NALF1: variants seen among roughly 807,000 people sequenced by gnomAD.
NALF1 encodes the protein family with sequence similarity 155 member A.
Under a neutral mutation model 48.4 loss-of-function variants are expected in NALF1, and 3 were observed. The ratio of observed to expected loss-of-function variants is 0.06; its 90% CI spans 0.03 to 0.16. NALF1 has a LOEUF of 0.16. Ranked by LOEUF, NALF1 falls within the 10% of genes least tolerant of loss-of-function variation. The pLI is 1.00. For missense variants in NALF1, 526 were observed against 571.5 expected (o/e 0.92, Z 0.81); for synonymous variants, 262 against 245.7 (o/e 1.07, Z -0.62).
At chr13:107,862,485 G>A (rs553308344) in intron 1 of NALF1, among the ~76,000 whole-genome samples, 2 of 151,950 alleles carry the variant, frequency 1.3e-5, no homozygotes, top group Non-Finnish European at 2.9e-5. Flanking sequence ...TTCTGCTGTA[G>A]TATTTACTAC....
At chr13:107,419,990 G>C (rs1884158448) in intron 1 of NALF1, among the ~76,000 whole-genome samples, 1 of 152,132 alleles carries the variant, frequency 6.6e-6, no homozygotes, top group East Asian at 1.9e-4. Flanking sequence ...AAATGGAACT[G>C]AAAAGTAACA....
At chr13:107,631,455 C>T (rs566144735) in intron 1 of NALF1, among the ~76,000 whole-genome samples, 9 of 152,082 alleles carry the variant, frequency 5.9e-5, no homozygotes, top group African/African-American at 1.7e-4. Flanking sequence ...TAAATGATCA[C>T]CTTAGTTTTG....
At chr13:107,185,128 C>T (rs924007470) in intron 2 of NALF1, among the ~76,000 whole-genome samples, 7 of 152,190 alleles carry the variant, frequency 4.6e-5, no homozygotes, top group African/African-American at 1.7e-4. Flanking sequence ...CCAAAGATTG[C>T]TGACCACCTC....
At position 107,164,633 on chromosome 13, in the gene NALF1, C is replaced by CAGTA. The variant is rs890778523; in HGVS notation, c.*5860_*5863dup. On this transcript the variant is annotated 3_prime_UTR_variant, in exon 3 of 3. Transcript: ENST00000375915. ...GTAGATGCCTTTAACTTTTGCTTGT[C>CAGTA]AGTAGTAGCCTTTTGGGAGTGGAAA... is the stretch of plus-strand genomic sequence containing the variant. 1 of 151,222 alleles carries CAGTA rather than the reference C, an allele frequency of 6.6e-6. No individual in the cohort carries two copies. The highest frequency in any genetic ancestry group is 2.4e-5 in the African/African-American group (1 of 41,074). 9.4% of individuals were successfully genotyped at this position (151,222 alleles called of 1,614,324 possible).
At chr13:107,307,346 T>C (rs924213124) in intron 1 of NALF1, among the ~76,000 whole-genome samples, 2 of 152,208 alleles carry the variant, frequency 1.3e-5, no homozygotes, top group African/African-American at 4.8e-5. Context: ...AGGAAAGTTA[T>C]AGTTTAATTG....
At chr13:107,799,496 C>T (rs1297576069) in intron 1 of NALF1, among the ~76,000 whole-genome samples, 10 of 152,166 alleles carry the variant, frequency 6.6e-5, no homozygotes, top group Non-Finnish European at 1.5e-5. Context: ...ATGATGAAGT[C>T]AGCTTTTCTA....
intron 1 of NALF1, among the ~76,000 whole-genome samples, chr13:107,832,367 T>C (rs1002731794): frequency 3.3e-5 from 5 of 152,126 alleles, no homozygotes; most frequent in South Asian, 2.1e-4. Context: ...ATATTTTGTA[T>C]ATATACTGAA....
At chr13:107,702,850 T>A (rs533092975) in intron 1 of NALF1, among the ~76,000 whole-genome samples, 2 of 152,154 alleles carry the variant, frequency 1.3e-5, no homozygotes, top group African/African-American at 4.8e-5. Context: ...TCCAGCTCCA[T>A]CCATGTCCCT....
chr13:107,282,987 C>G (rs1342651353), intron 1 of NALF1, among the ~76,000 whole-genome samples: 3 of 152,302 alleles, frequency 2.0e-5, no homozygotes, highest in Non-Finnish European at 4.4e-5. Context: ...AGATTACACA[C>G]TGTAGAAAAA....
chr13:107,318,501 T>A (rs1249716334), intron 1 of NALF1, among the ~76,000 whole-genome samples: 1 of 152,072 alleles, frequency 6.6e-6, no homozygotes, highest in African/African-American at 2.4e-5. Flanking sequence ...TTACAAAGTA[T>A]GAGTTTCAAA....
rs1448001319 is a variant in NALF1 at position 107,362,498 on chromosome 13, A to G, written c.916-151743T>C. ...CAGCTGCATGACTCCAATTTATACC[A>G]CTGTTGTCACTTGGCATTCTCCTGT... On this transcript the variant is annotated intron_variant, in intron 1 of 2. Coordinates refer to ENST00000375915, the MANE Select transcript of NALF1 (RefSeq NM_001080396.3). This position sits in a 1 kb window ranked among gnomAD's most constrained non-coding sequence, Gnocchi z 4.6. 1.3e-5 allele frequency among the ~76,000 whole-genome samples: 2 copies of G among 151,974 alleles called. No homozygotes were observed. The highest frequency in any genetic ancestry group is 2.4e-5 in the African/African-American group (1 of 41,378).
intron 1 of NALF1, among the ~76,000 whole-genome samples, chr13:107,639,341 T>G (rs1187634136): frequency 6.6e-6 from 1 of 151,920 alleles, no homozygotes; most frequent in African/African-American, 2.4e-5. Context: ...CTCAACAAAC[T>G]CACCTTCCTT....
At chr13:107,848,393 C>T (rs1344009648) in intron 1 of NALF1, among the ~76,000 whole-genome samples, 3 of 152,118 alleles carry the variant, frequency 2.0e-5, no homozygotes, top group African/African-American at 7.2e-5. Flanking sequence ...GTAAATGATT[C>T]AATTTCAAGA....
intron 1 of NALF1, among the ~76,000 whole-genome samples, chr13:107,780,214 T>C (rs1222770545): frequency 6.6e-6 from 1 of 152,104 alleles, no homozygotes; most frequent in African/African-American, 2.4e-5. Context: ...TACACTTATA[T>C]GTGTGATCCT....
At chr13:107,461,216 C>G (rs954973614) in intron 1 of NALF1, among the ~76,000 whole-genome samples, 21 of 152,178 alleles carry the variant, frequency 1.4e-4, no homozygotes, top group Admixed American at 2.6e-4. Flanking sequence ...TATATGCTTT[C>G]TTCTAAAAAT....
At chr13:107,802,018 A>C (rs2138597626) in intron 1 of NALF1, among the ~76,000 whole-genome samples, 1 of 152,336 alleles carries the variant, frequency 6.6e-6, no homozygotes, top group Admixed American at 6.5e-5. Flanking sequence ...TTAAAAAGAA[A>C]GAAACGTGTG....
intron 1 of NALF1, among the ~76,000 whole-genome samples, chr13:107,360,803 G>A (rs1883047718): frequency 6.6e-6 from 1 of 152,184 alleles, no homozygotes; most frequent in South Asian, 2.1e-4. Context: ...TAATAGGCTG[G>A]TTTTTAAGTA....
intron 1 of NALF1, among the ~76,000 whole-genome samples, chr13:107,863,834 T>G (rs1052354617): frequency 2.0e-5 from 3 of 152,180 alleles, no homozygotes; most frequent in African/African-American, 7.2e-5. Context: ...ACATTTAAAT[T>G]AAGATGTATT....
rs1298460164 is a variant in NALF1, at chr13:107,163,677, A to G, written c.*6820T>C. 6.6e-6 allele frequency: 1 copy of G among 152,178 alleles called. No homozygotes were observed. The highest frequency in any genetic ancestry group is 1.9e-4 in the East Asian group (1 of 5,194). 9.4% of individuals were successfully genotyped at this position (152,178 alleles called of 1,614,324 possible). On this transcript the variant is annotated 3_prime_UTR_variant, in exon 3 of 3. Coordinates refer to ENST00000375915, the MANE Select transcript of NALF1 (RefSeq NM_001080396.3). ...GTTTTAGTACTTTTATTCCGTGTTCATATTCACATAAAAAAGTACTTGAGT... is the reference window on the plus strand; with the variant it reads ...GTTTTAGTACTTTTATTCCGTGTTCGTATTCACATAAAAAAGTACTTGAGT...
Sources: allele counts gnomAD v4.1 joint callset (sites outside exome capture counted in the v4.1 genomes callset), GRCh38; gene constraint gnomAD v4.1.1; non-coding constraint Gnocchi (gnomAD v3.1); transcripts MANE v1.5; gene names NCBI Gene and HGNC (gene_info 2026-07-23, HGNC 2026-07-21).